PI4K2A: variants seen among roughly 807,000 people sequenced by gnomAD.
The protein encoded by PI4K2A is phosphatidylinositol 4-kinase type 2 alpha.
A neutral mutation model predicts 55.0 loss-of-function variants in PI4K2A; 20 were observed. That is an observed-to-expected ratio of 0.36 (90% CI 0.26 to 0.53). The LOEUF (loss-of-function observed/expected upper bound fraction) is 0.53, where lower values mean the gene tolerates loss of function less well. Ranked by LOEUF, PI4K2A falls within the 20% of genes least tolerant of loss-of-function variation. The probability of loss-of-function intolerance (pLI) is 0.91; values close to 1 mark genes in which losing one functional copy is unlikely to be tolerated. For missense variants in PI4K2A, 463 were observed against 637.1 expected, an observed-to-expected ratio of 0.73 and a Z score of 2.94; for synonymous variants, 235 against 258.5, an observed-to-expected ratio of 0.91 and a Z score of 0.87.
chr10:97,652,445 A>G (rs1233531432), intron 2 of PI4K2A, among the ~76,000 whole-genome samples: 3 of 149,384 alleles, frequency 2.0e-5, no homozygotes, highest in African/African-American at 7.4e-5. Context: ...GGCATGTGCC[A>G]CCATGCCTGG....
Position 97,646,670 on chromosome 10 carries a change from A to C in PI4K2A, c.436-4271A>C, listed in dbSNP as rs2041506599. On this transcript the variant is annotated intron_variant, in intron 1 of 8. Transcript: ENST00000370631. ...ATATGCTTGAACTGTCTTACATTTT[A>C]GGTTCTTGGAGAAAGGACCTCTTTT... Among the ~76,000 whole-genome samples the C allele has an allele frequency of 1.3e-5, 2 of 152,214 alleles. 1 individual carries two copies. Among genetic ancestry groups the C allele is most frequent in the South Asian group, 4.1e-4 (2 of 4,836 alleles).
At chr10:97,657,615 T>A (rs1589935047) in intron 4 of PI4K2A, among the ~76,000 whole-genome samples, 1 of 149,054 alleles carries the variant, frequency 6.7e-6, no homozygotes. Flanking sequence ...TTGCAGTGAG[T>A]CAGAATTGCA....
At chr10:97,676,381 A>G (rs1423266422) in exon 9 of PI4K2A, 1 of 152,366 alleles carries the variant, frequency 6.6e-6, no homozygotes, top group East Asian at 1.9e-4. Flanking sequence ...GGGATTATAC[A>G]GTATTTGCTG....
intron 4 of PI4K2A, among the ~76,000 whole-genome samples, chr10:97,660,651 T>C (rs1361612043): frequency 6.6e-6 from 1 of 151,988 alleles, no homozygotes; most frequent in Non-Finnish European, 1.5e-5. Flanking sequence ...ATAGTTTAGT[T>C]GTATCTTACA....
At chr10:97,655,945 A>G (rs756972513) in intron 2 of PI4K2A, among the ~76,000 whole-genome samples, 1 of 152,164 alleles carries the variant, frequency 6.6e-6, no homozygotes, top group Admixed American at 6.6e-5. Context: ...CACATCACTC[A>G]TGTAGTTACA....
At chr10:97,641,096 G>A (rs1490517616) in exon 1 of PI4K2A, 2 of 1,608,900 alleles carry the variant, frequency 1.2e-6, no homozygotes, top group Non-Finnish European at 1.7e-6. Flanking sequence ...GGCAGGCCGA[G>A]CTGGCCATCG....
At chr10:97,657,894 G>T (rs762076702) in intron 4 of PI4K2A, among the ~76,000 whole-genome samples, 2 of 123,546 alleles carry the variant, frequency 1.6e-5, no homozygotes, top group Non-Finnish European at 3.8e-5. Flanking sequence ...GGAGTGCAAT[G>T]GTGCGATCTC....
chr10:97,649,071 T>C (rs2041518414), intron 1 of PI4K2A, among the ~76,000 whole-genome samples: 1 of 152,194 alleles, frequency 6.6e-6, no homozygotes, highest in African/African-American at 2.4e-5. Context: ...GTTCCTAATA[T>C]GAGTACTGAG....
At chr10:97,666,491 A>G (rs1226474688) in exon 7 of PI4K2A, 2 of 1,613,330 alleles carry the variant, frequency 1.2e-6, no homozygotes, top group Non-Finnish European at 1.7e-6. Context: ...TTCTCAGGAG[A>G]TCAAAGATCT....
intron 2 of PI4K2A, 73 bp downstream of exon 2, chr10:97,651,214 T>G: frequency 8.6e-7 from 1 of 1,165,078 alleles, no homozygotes; most frequent in Non-Finnish European, 1.3e-6. Context: ...TGCTACATGT[T>G]AGTGGGACCT....
At chr10:97,641,267 G>C (rs2041467137) in intron 1 of PI4K2A, 90 bp downstream of exon 1, 1 of 955,978 alleles carries the variant, frequency 1.0e-6, no homozygotes, top group Admixed American at 2.7e-5. Context: ...GAGGGAAAAG[G>C]GAGAAACTTC....
intron 8 of PI4K2A, among the ~76,000 whole-genome samples, chr10:97,673,331 CT>C (rs2041645914): frequency 6.6e-6 from 1 of 152,084 alleles, no homozygotes; most frequent in African/African-American, 2.4e-5. Flanking sequence ...CTGCGTCGTT[CT>C]TTTGTATCTT....
intron 2 of PI4K2A, among the ~76,000 whole-genome samples, chr10:97,652,672 C>T (rs928982351): frequency 6.6e-6 from 1 of 152,122 alleles, no homozygotes; most frequent in East Asian, 1.9e-4. Context: ...AGAAACTTCC[C>T]TTCCGTTTGA....
intron 2 of PI4K2A, among the ~76,000 whole-genome samples, chr10:97,651,646 C>T (rs1172399244): frequency 1.3e-5 from 2 of 152,160 alleles, no homozygotes; most frequent in Non-Finnish European, 2.9e-5. Flanking sequence ...TTTATGCTGT[C>T]GAATTTTGGG....
At chr10:97,659,993 CTTTCT>C (rs1306296414) in intron 4 of PI4K2A, among the ~76,000 whole-genome samples, 1 of 149,194 alleles carries the variant, frequency 6.7e-6, no homozygotes, top group Non-Finnish European at 1.5e-5. Flanking sequence ...TTTTCTTTTT[CTTTCT>C]TTTCTTTTTT....
Position 97,665,092 on chromosome 10 carries a change from T to C in PI4K2A, c.1084+108T>C, listed in dbSNP as rs2041603639. ...ATCATAGGATTATTCTAAAAATTAATGAAATAATGGAGTTCAGGCACTTTA... is the reference window on the plus strand; with the variant it reads ...ATCATAGGATTATTCTAAAAATTAACGAAATAATGGAGTTCAGGCACTTTA... On this transcript the variant is annotated intron_variant, in intron 6 of 8. Transcript: ENST00000370631. 5 of 682,912 alleles carry C rather than the reference T, an allele frequency of 7.3e-6. No homozygotes were observed. The East Asian group carries it at 1.4e-4, about 19-fold the overall frequency. The allele number at this position is 682,912 out of a possible 1,614,324, so 42.3% of individuals were successfully genotyped here. A position where few individuals can be genotyped will look rare whatever the true frequency, so the allele number is the denominator to read the frequency against.
chr10:97,642,887 T>TTCTTTCTTTCTC (rs2041484109), intron 1 of PI4K2A, among the ~76,000 whole-genome samples: 1 of 116,266 alleles, frequency 8.6e-6, no homozygotes, highest in African/African-American at 3.5e-5. Flanking sequence ...CTTTCTTTCT[T>TTCTTTCTTTCTC]CCTTCCTTCC....
chr10:97,672,793 A>C (rs2041643105), intron 8 of PI4K2A, among the ~76,000 whole-genome samples: 1 of 124,914 alleles, frequency 8.0e-6, no homozygotes, highest in Non-Finnish European at 1.6e-5. Flanking sequence ...GTACGGTGAC[A>C]TGATCTCAGC....
intron 4 of PI4K2A, among the ~76,000 whole-genome samples, chr10:97,660,156 C>G (rs974602831): frequency 1.3e-5 from 2 of 151,194 alleles, no homozygotes; most frequent in African/African-American, 4.9e-5. Flanking sequence ...CGCCTGCTAC[C>G]ACGCCCGGCT....
Sources: gnomAD v4.1 joint callset for allele counts (sites outside exome capture counted in the v4.1 genomes callset) on GRCh38, gnomAD v4.1.1 for gene constraint, MANE v1.5 for transcripts, NCBI Gene and HGNC (gene_info 2026-07-23, HGNC 2026-07-21) for gene names.